KLHL4: variants seen among roughly 807,000 people sequenced by gnomAD.
KLHL4 encodes the protein kelch-like protein 4.
In KLHL4, 17 loss-of-function variants were observed where a neutral mutation model predicts 45.8. That is an observed-to-expected ratio of 0.37 (90% CI 0.25 to 0.56). KLHL4 has a LOEUF of 0.56. KLHL4 is among the 20% of genes least tolerant of loss of function. The pLI is 0.79. For missense variants in KLHL4, 544 were observed against 544.9 expected, an observed-to-expected ratio of 1.00 and a Z score of 0.02; for synonymous variants, 224 against 189.9, an observed-to-expected ratio of 1.18 and a Z score of -1.47.
At chrX:87,646,868 G>A (rs1923654757) in intron 9 of KLHL4, among the ~76,000 whole-genome samples, 1 of 111,287 alleles carries the variant, frequency 9.0e-6, no homozygotes, top group Admixed American at 9.5e-5. Flanking sequence ...GAACCCAAAA[G>A]CAAATGCAAC....
At chrX:87,571,365 A>G (rs1435513581) in intron 1 of KLHL4, among the ~76,000 whole-genome samples, 3 of 111,338 alleles carry the variant, frequency 2.7e-5, no homozygotes, top group Middle Eastern at 4.6e-3. Flanking sequence ...CACCAAGATT[A>G]ACATCTTCCT....
intron 5 of KLHL4, among the ~76,000 whole-genome samples, chrX:87,623,260 T>C (rs771443791): frequency 2.8e-5 from 3 of 108,729 alleles, no homozygotes; most frequent in African/African-American, 1.0e-4. Context: ...AAATAGATTG[T>C]TAATCTGTTG....
intron 1 of KLHL4, among the ~76,000 whole-genome samples, chrX:87,568,286 G>A (rs1932256885): frequency 9.2e-6 from 1 of 108,403 alleles, no homozygotes; most frequent in South Asian, 3.9e-4. Context: ...TGGATTGGAA[G>A]ACTTAATATT....
intron 9 of KLHL4, among the ~76,000 whole-genome samples, chrX:87,643,941 A>G (rs1923547183): frequency 9.0e-6 from 1 of 111,714 alleles, no homozygotes. Context: ...CACAGCCAAC[A>G]CAATACTGAA....
chrX:87,639,502 A>G (rs1923378120), intron 9 of KLHL4, among the ~76,000 whole-genome samples: 1 of 111,729 alleles, frequency 9.0e-6, no homozygotes. Context: ...TTGAAATTTT[A>G]TCAAGTACTC....
intron 1 of KLHL4, among the ~76,000 whole-genome samples, chrX:87,547,514 C>A (rs1931708744): frequency 9.0e-6 from 1 of 110,607 alleles, no homozygotes; most frequent in South Asian, 3.7e-4. Flanking sequence ...AGACAAAATT[C>A]AAACAAACAA....
At chrX:87,528,218 A>C (rs763325674) in intron 1 of KLHL4, among the ~76,000 whole-genome samples, 3 of 111,940 alleles carry the variant, frequency 2.7e-5, no homozygotes, top group Non-Finnish European at 5.6e-5. Context: ...AATTAAGCAG[A>C]AATTTTGGAG....
intron 9 of KLHL4, among the ~76,000 whole-genome samples, chrX:87,656,101 C>G (rs1253629270): frequency 2.7e-5 from 3 of 110,756 alleles, no homozygotes; most frequent in Non-Finnish European, 5.7e-5. Flanking sequence ...ATATGCTTTT[C>G]TTTTGCTGAT....
chrX:87,531,820 AG>A (rs1931289722), intron 1 of KLHL4, among the ~76,000 whole-genome samples: 1 of 95,410 alleles, frequency 1.0e-5, no homozygotes, highest in Admixed American at 1.3e-4. Flanking sequence ...CCACTGCTCA[AG>A]GAAATAAAAG....
At chrX:87,628,696 C>T (rs921843773) in intron 6 of KLHL4, among the ~76,000 whole-genome samples, 1 of 111,305 alleles carries the variant, frequency 9.0e-6, no homozygotes, top group African/African-American at 3.3e-5. Flanking sequence ...CACCTGTACC[C>T]CCAACACTAT....
chrX:87,589,875 C>CA lies in KLHL4; in HGVS notation c.423-23989dup, dbSNP rs35306138. ...AGAAACCCCGTCTCTACTAAAAATA[C>CA]AAAAAAAAAAAAATTAGCCGGGCAT... On this transcript the variant is annotated intron_variant, in intron 1 of 10. Coordinates refer to ENST00000373119, the MANE Select transcript of KLHL4 (RefSeq NM_019117.5). 4.5e-3 allele frequency among the ~76,000 whole-genome samples: 424 copies of CA among 93,338 alleles called. 6 individuals are homozygous for CA. The Middle Eastern group carries it at 0.051, about 11-fold the overall frequency. 81.1% of individuals were successfully genotyped at this position (93,338 alleles called of 115,157 possible). A position where few individuals can be genotyped will look rare whatever the true frequency, so the allele number is the denominator to read the frequency against.
At chrX:87,631,240 G>A (rs941716440) in intron 6 of KLHL4, among the ~76,000 whole-genome samples, 1 of 111,649 alleles carries the variant, frequency 9.0e-6, no homozygotes, top group Non-Finnish European at 1.9e-5. Flanking sequence ...CCTCCATGTT[G>A]GAAATGCCTG....
At chrX:87,662,399 C>A (rs925154199) in intron 9 of KLHL4, among the ~76,000 whole-genome samples, 1 of 111,749 alleles carries the variant, frequency 8.9e-6, no homozygotes, top group Non-Finnish European at 1.9e-5. Context: ...ATAAAAGGTA[C>A]TTAGACAACT....
chrX:87,632,875 A>G (rs1462265858), intron 7 of KLHL4, among the ~76,000 whole-genome samples: 1 of 111,387 alleles, frequency 9.0e-6, no homozygotes, highest in Non-Finnish European at 1.9e-5. Context: ...TATTTTTGCA[A>G]TATCATAAGA....
At chrX:87,540,057 AAAAAT>A (rs1008421569) in intron 1 of KLHL4, among the ~76,000 whole-genome samples, 2 of 111,312 alleles carry the variant, frequency 1.8e-5, no homozygotes, top group Non-Finnish European at 3.8e-5. Context: ...TCGCATGTCT[AAAAAT>A]AAAAAGGACA....
chrX:87,571,019 T>G (rs1389100512), intron 1 of KLHL4, among the ~76,000 whole-genome samples: 1 of 110,870 alleles, frequency 9.0e-6, no homozygotes, highest in Non-Finnish European at 1.9e-5. Flanking sequence ...AACGTAATTC[T>G]TAGAGATGGT....
chrX:87,620,167 AGTC>A (rs1360666060), intron 4 of KLHL4, among the ~76,000 whole-genome samples: 1 of 112,086 alleles, frequency 8.9e-6, no homozygotes, highest in African/African-American at 3.2e-5. Flanking sequence ...AATATGTGAT[AGTC>A]ATTTGGTAAA....
chrX:87,596,882 A>T (rs1339796188), intron 1 of KLHL4, among the ~76,000 whole-genome samples: 1 of 112,455 alleles, frequency 8.9e-6, no homozygotes, highest in Non-Finnish European at 1.9e-5. Flanking sequence ...AGATCCTGAC[A>T]AGATTTAATA....
intron 4 of KLHL4, among the ~76,000 whole-genome samples, chrX:87,620,041 A>C: frequency 9.0e-6 from 1 of 111,704 alleles, no homozygotes; most frequent in Non-Finnish European, 1.9e-5. Context: ...AGACACACTC[A>C]GAATGCTATT....
Sources: gnomAD v4.1 joint callset for allele counts (sites outside exome capture counted in the v4.1 genomes callset) on GRCh38, gnomAD v4.1.1 for gene constraint, MANE v1.5 for transcripts, NCBI Gene and HGNC (gene_info 2026-07-23, HGNC 2026-07-21) for gene names.